The following ADGRV1 variants were observed in gnomAD, a reference collection of about 807,000 sequenced individuals.
The protein encoded by ADGRV1 is adhesion G protein-coupled receptor V1.
ADGRV1 carries 359 observed loss-of-function variants against 596.2 expected under a neutral mutation model. The observed-to-expected ratio is 0.60, with a 90% CI of 0.55 to 0.66. The LOEUF (loss-of-function observed/expected upper bound fraction) is 0.66. Ranked by LOEUF, ADGRV1 falls within the 30% of genes least tolerant of loss-of-function variation. The pLI is 0.00. For synonymous variants in ADGRV1, 2,681 were observed against 2,679.2 expected (o/e 1.00, Z -0.02); for missense variants, 7,274 against 7,575.6 (o/e 0.96, Z 1.48).
chr5:90,563,475 G>T (rs2151941727), intron 1 of ADGRV1, among the ~76,000 whole-genome samples: 1 of 152,342 alleles, frequency 6.6e-6, no homozygotes, highest in East Asian at 1.9e-4. Context: ...CAAATAAGGG[G>T]ATGACTGTAA....
chr5:91,154,532 C>A (rs1284587655), intron 89 of ADGRV1, among the ~76,000 whole-genome samples: 1 of 152,236 alleles, frequency 6.6e-6, no homozygotes, highest in Non-Finnish European at 1.5e-5. Flanking sequence ...GGCCTTGAGA[C>A]CGTGCTCTCA....
At chr5:90,958,594 C>T (rs1420234865) in intron 83 of ADGRV1, among the ~76,000 whole-genome samples, 1 of 152,078 alleles carries the variant, frequency 6.6e-6, no homozygotes, top group East Asian at 1.9e-4. Flanking sequence ...AAGGTGTCTT[C>T]AGGGTTGACT....
intron 38 of ADGRV1, 136 bp downstream of exon 38, chr5:90,706,530 T>C: frequency 1.4e-6 from 1 of 714,238 alleles, no homozygotes; most frequent in Non-Finnish European, 2.2e-6. Context: ...GTTGGTGTGC[T>C]GCACCCATTA....
chr5:90,595,512 C>G (rs1284738595), intron 1 of ADGRV1, among the ~76,000 whole-genome samples: 1 of 105,250 alleles, frequency 9.5e-6, no homozygotes, highest in Non-Finnish European at 2.0e-5. Flanking sequence ...TAGGGGCGGC[C>G]GGGCAGAGGC....
chr5:90,749,975 C>T (rs1428568871), intron 52 of ADGRV1, among the ~76,000 whole-genome samples: 1 of 152,188 alleles, frequency 6.6e-6, no homozygotes, highest in East Asian at 1.9e-4. Flanking sequence ...GAAGAGCCCA[C>T]AGAAACATTT....
At chr5:90,712,174 T>G in intron 41 of ADGRV1, 113 bp from the exon 42 acceptor site, 1 of 607,232 alleles carries the variant, frequency 1.6e-6, no homozygotes, top group South Asian at 4.4e-5. Context: ...AAATTCAATG[T>G]AAAATAGCTT....
At chr5:90,679,456 T>G in intron 25 of ADGRV1, 93 bp from the exon 26 acceptor site, 1 of 762,596 alleles carries the variant, frequency 1.3e-6, no homozygotes, top group Non-Finnish European at 2.2e-6. Flanking sequence ...TTACTGCATT[T>G]TCCTCTTTGC....
intron 89 of ADGRV1, among the ~76,000 whole-genome samples, chr5:91,158,398 GA>G (rs2126944444): frequency 6.6e-6 from 1 of 152,228 alleles, no homozygotes; most frequent in South Asian, 2.1e-4. Flanking sequence ...CATCTTAATA[GA>G]AAACCCTTAA....
chr5:91,126,286 C>G (rs1292838729), intron 87 of ADGRV1, among the ~76,000 whole-genome samples: 4 of 152,228 alleles, frequency 2.6e-5, no homozygotes, highest in East Asian at 3.8e-4. Flanking sequence ...CTTTAGATGA[C>G]TAACCGGTGT....
At position 90,828,956 on chromosome 5, in the gene ADGRV1, G is replaced by A. The variant is rs1210003878; in HGVS notation, c.16381G>A (p.Glu5461Lys). 1.3e-6 allele frequency: 2 copies of A among 1,575,676 alleles called. No homozygotes were observed. Among genetic ancestry groups the A allele is most frequent in the African/African-American group, 2.7e-5 (2 of 74,318 alleles). Residue 5461 changes from glutamate (E) to lysine (K), a missense_variant, in exon 77 of 90, where the codon GAA (glutamate) becomes AAA (lysine). Glu to Lys is a moderately conservative substitution (Grantham distance 56, BLOSUM62 1). Coordinates refer to ENST00000405460, the MANE Select transcript of ADGRV1 (RefSeq NM_032119.4). ...TTCTCATTGTCAGGTACCACAGGTT[G>A]AAGTGTATTTTTTTGTGGAACTATA... ...ELKPEKVPQV[E>K]VYFFVELYEA...
intron 5 of ADGRV1, among the ~76,000 whole-genome samples, chr5:90,623,073 C>A (rs1042172296): frequency 6.6e-6 from 1 of 152,190 alleles, no homozygotes; most frequent in African/African-American, 2.4e-5. Context: ...CACTGGGGTT[C>A]ATACCAGATG....
At chr5:90,851,406 T>A (rs1766514410) in intron 79 of ADGRV1, among the ~76,000 whole-genome samples, 2 of 152,120 alleles carry the variant, frequency 1.3e-5, no homozygotes, top group African/African-American at 4.8e-5. Flanking sequence ...TCAAGACTAG[T>A]TTGTTTACTC....
chr5:90,614,798 A>T (rs756371457), intron 1 of ADGRV1, 37 bp from the exon 2 acceptor site: 1 of 1,377,640 alleles, frequency 7.3e-7, no homozygotes, highest in Non-Finnish European at 1.0e-6. Context: ...TAGATTAGAT[A>T]TATTTTGTGA....
chr5:90,752,536 G>C (rs555500695), intron 53 of ADGRV1, among the ~76,000 whole-genome samples: 218 of 152,212 alleles, frequency 1.4e-3, no homozygotes, highest in African/African-American at 4.8e-3. Flanking sequence ...CCACTTATAA[G>C]TGAGAACATG....
intron 85 of ADGRV1, among the ~76,000 whole-genome samples, chr5:91,060,398 A>ATATTTT (rs796332430): frequency 1.6e-3 from 97 of 60,514 alleles, no homozygotes; most frequent in Middle Eastern, 8.8e-3. Context: ...ATATATATAT[A>ATATTTT]TTTTTTTTTT....
intron 34 of ADGRV1, among the ~76,000 whole-genome samples, chr5:90,698,841 G>A (rs1747537664): frequency 6.6e-6 from 1 of 152,094 alleles, no homozygotes; most frequent in Non-Finnish European, 1.5e-5. Flanking sequence ...ACCAGGGAGA[G>A]AGTGTGTTTT....
intron 87 of ADGRV1, among the ~76,000 whole-genome samples, chr5:91,104,732 A>C (rs1355105649): frequency 1.3e-5 from 2 of 152,148 alleles, no homozygotes; most frequent in African/African-American, 4.8e-5. Context: ...AATGTCCTCC[A>C]GTTCCATCTA....
rs368946514 is a variant in ADGRV1 at position 90,874,779 on chromosome 5, A to T, written c.17856+10922A>T. Among the ~76,000 whole-genome samples, 5 of 151,832 alleles carry T rather than the reference A, an allele frequency of 3.3e-5. No individual in the cohort carries two copies. The East Asian group carries it at 9.7e-4, about 29-fold the overall frequency. Reference sequence around the variant, plus strand: ...AGGCTGAGGCAGGCGAATGGCGTGAACCCAGGAGGCGGAGCTTGCAGTGAG... The same window carrying T: ...AGGCTGAGGCAGGCGAATGGCGTGATCCCAGGAGGCGGAGCTTGCAGTGAG... On this transcript the variant is annotated intron_variant, in intron 83 of 89. Coordinates refer to ENST00000405460, the MANE Select transcript of ADGRV1 (RefSeq NM_032119.4).
chr5:90,915,766 A>G (rs1260116782), intron 83 of ADGRV1, among the ~76,000 whole-genome samples: 1 of 152,192 alleles, frequency 6.6e-6, no homozygotes, highest in Non-Finnish European at 1.5e-5. Flanking sequence ...TAAACAAAGT[A>G]CTAAGATTAA....
Sources: gnomAD v4.1 joint callset for allele counts (sites outside exome capture counted in the v4.1 genomes callset) on GRCh38, gnomAD v4.1.1 for gene constraint, MANE v1.5 for transcripts, NCBI Gene and HGNC (gene_info 2026-07-23, HGNC 2026-07-21) for gene names.